The following LDLRAD4 variants were observed in gnomAD, a reference collection of about 807,000 sequenced individuals.
LDLRAD4 encodes the protein low density lipoprotein receptor class A domain containing 4.
Under a neutral mutation model 17.0 loss-of-function variants are expected in LDLRAD4, and 5 were observed. The ratio of observed to expected loss-of-function variants is 0.29; its 90% CI spans 0.15 to 0.62. The LOEUF (loss-of-function observed/expected upper bound fraction) is 0.62. LDLRAD4 is among the 20% of genes least tolerant of loss of function. LDLRAD4 has a pLI of 0.84. For missense variants in LDLRAD4, 340 were observed against 424.7 expected (o/e 0.80, Z 1.75); for synonymous variants, 168 against 171.8 (o/e 0.98, Z 0.17).
chr18:13,455,235 C>CT (rs74574958), intron 3 of LDLRAD4, among the ~76,000 whole-genome samples: 36,925 of 152,112 alleles, frequency 0.24, 4,953 homozygotes, highest in Middle Eastern at 0.4. Flanking sequence ...GGTTTCCAGG[C>CT]TTTTTGGGGG....
At chr18:13,357,814 A>G (rs1184404599) in intron 1 of LDLRAD4, among the ~76,000 whole-genome samples, 2 of 152,204 alleles carry the variant, frequency 1.3e-5, no homozygotes, top group Admixed American at 6.5e-5. Flanking sequence ...TATGGCTCAT[A>G]TAAATGGTTG....
chr18:13,285,468 G>A (rs1283777921), intron 1 of LDLRAD4, among the ~76,000 whole-genome samples: 2 of 152,202 alleles, frequency 1.3e-5, no homozygotes, highest in African/African-American at 4.8e-5. Flanking sequence ...GGGGGCCATT[G>A]GAGGTGTCTG....
intron 3 of LDLRAD4, among the ~76,000 whole-genome samples, chr18:13,566,933 C>A (rs1036661870): frequency 1.3e-5 from 2 of 152,202 alleles, no homozygotes; most frequent in African/African-American, 4.8e-5. Context: ...GACTCAGTGT[C>A]CCTGTGAGGA....
chr18:13,642,770 A>G, intron 4 of LDLRAD4: 1 of 1,227,758 alleles, frequency 8.1e-7, no homozygotes, highest in East Asian at 3.2e-5. Flanking sequence ...GTAGAGAGTG[A>G]GCCATATTCC....
intron 3 of LDLRAD4, among the ~76,000 whole-genome samples, chr18:13,600,985 G>T (rs889426758): frequency 6.6e-6 from 1 of 152,138 alleles, no homozygotes; most frequent in Admixed American, 6.5e-5. Flanking sequence ...ACAAGACCAT[G>T]TTTCTCCTTA....
In LDLRAD4 at chr18:13,379,279, A is replaced by G. The variant is rs2085158204; in HGVS notation, c.-382-8062A>G. Among the ~76,000 whole-genome samples the G allele has an allele frequency of 2.0e-5, 3 of 152,244 alleles. No homozygotes were observed. In the South Asian group the frequency reaches 6.2e-4, roughly 31 times the overall value. ...GGCACTGCCTGTGCAGTAAACTCCCAGCCACGATGTCCCCCATGGGGCACC... is the reference window on the plus strand; with the variant it reads ...GGCACTGCCTGTGCAGTAAACTCCCGGCCACGATGTCCCCCATGGGGCACC... On this transcript the variant is annotated intron_variant, in intron 1 of 5. Coordinates refer to ENST00000359446, the Ensembl canonical transcript of LDLRAD4.
chr18:13,643,451 G>GT (rs1451855463), intron 5 of LDLRAD4, 39 bp downstream of exon 6: 2 of 482,590 alleles, frequency 4.1e-6, no homozygotes, highest in Non-Finnish European at 3.4e-6. Context: ...GGGGGGCGGG[G>GT]GGGGTGGGTG....
intron 3 of LDLRAD4, among the ~76,000 whole-genome samples, chr18:13,496,962 C>T (rs1194575451): frequency 8.5e-5 from 13 of 152,156 alleles, no homozygotes; most frequent in Non-Finnish European, 1.8e-4. Flanking sequence ...TAAACATGAC[C>T]TTTCATTAGC....
At chr18:13,246,209 G>A (rs779669433) in intron 1 of LDLRAD4, among the ~76,000 whole-genome samples, 4 of 152,358 alleles carry the variant, frequency 2.6e-5, no homozygotes, top group Non-Finnish European at 4.4e-5. Context: ...GCTAATTGCA[G>A]CCTCCAGAGG....
chr18:13,456,360 C>A (rs1300338503), intron 3 of LDLRAD4, among the ~76,000 whole-genome samples: 1 of 152,216 alleles, frequency 6.6e-6, no homozygotes, highest in Non-Finnish European at 1.5e-5. Context: ...TCTCGCCTTC[C>A]CTCCTGCTCC....
rs1388213367 is a variant in LDLRAD4, at chr18:13,283,606, A to G, written c.-383+5418A>G. 4.6e-5 allele frequency among the ~76,000 whole-genome samples: 7 copies of G among 152,336 alleles called. No individual in the cohort carries two copies. In the South Asian group the frequency reaches 1.2e-3, roughly 27 times the overall value. ...CCTTATTGCTATCAGCATTTTGGGC[A>G]AAGCCATTTAACAAGTCTCTAGGAA... On this transcript the variant is annotated intron_variant, in intron 1 of 5. Coordinates refer to ENST00000359446, the Ensembl canonical transcript of LDLRAD4.
At chr18:13,271,983 C>CCTCT (rs2044581130) in intron 1 of LDLRAD4, among the ~76,000 whole-genome samples, 1 of 151,638 alleles carries the variant, frequency 6.6e-6, no homozygotes, top group African/African-American at 2.4e-5. Context: ...TCAACCTCCG[C>CCTCT]CTCCCAAGTT....
chr18:13,551,226 G>C (rs1341898290), intron 3 of LDLRAD4, among the ~76,000 whole-genome samples: 1 of 152,192 alleles, frequency 6.6e-6, no homozygotes, highest in Non-Finnish European at 1.5e-5. Flanking sequence ...CAATGTGGGG[G>C]CCTTTCCGAC....
At chr18:13,532,310 A>G (rs1340193975) in intron 3 of LDLRAD4, among the ~76,000 whole-genome samples, 1 of 152,242 alleles carries the variant, frequency 6.6e-6, no homozygotes, top group Admixed American at 6.5e-5. Context: ...ACGTGACTAT[A>G]CATTCAAGAT....
rs2042400747 is a variant in LDLRAD4, at chr18:13,237,611, G to T, written c.-467+18623G>T. ...GAACGTGGATTCTTGTTCCTAGCTCGGTCTCCAAGTAGCATTGTCCCCCGA... is the reference window on the plus strand; with the variant it reads ...GAACGTGGATTCTTGTTCCTAGCTCTGTCTCCAAGTAGCATTGTCCCCCGA... On this transcript the variant is annotated intron_variant, in intron 1 of 5. Coordinates refer to the LDLRAD4 transcript ENST00000399848. Among the ~76,000 whole-genome samples the T allele has an allele frequency of 2.0e-5, 3 of 152,144 alleles. No homozygotes were observed. In the South Asian group the frequency reaches 6.2e-4, roughly 32 times the overall value.
At chr18:13,363,666 T>A (rs971018752) in intron 1 of LDLRAD4, among the ~76,000 whole-genome samples, 1 of 152,220 alleles carries the variant, frequency 6.6e-6, no homozygotes, top group Non-Finnish European at 1.5e-5. Flanking sequence ...CTGACAATGA[T>A]GATGCTAGTT....
chr18:13,649,768 C>A (rs900346739), exon 6 of LDLRAD4: 3 of 346,798 alleles, frequency 8.7e-6, no homozygotes, highest in Non-Finnish European at 1.5e-5. Flanking sequence ...GGGAAAGATA[C>A]TTGGTTTCTG....
At chr18:13,557,459 G>A (rs985159215) in intron 3 of LDLRAD4, among the ~76,000 whole-genome samples, 1 of 152,134 alleles carries the variant, frequency 6.6e-6, no homozygotes, top group Non-Finnish European at 1.5e-5. Flanking sequence ...GGGGCGCAGT[G>A]ATGCGGTCTT....
chr18:13,645,313 G>A lies in LDLRAD4; in HGVS notation c.577G>A (p.Asp193Asn), dbSNP rs746064746. Residue 193 changes from aspartate to asparagine, a missense_variant, in exon 6 of 6, where the codon GAC becomes AAC. Asp to Asn is a conservative substitution (Grantham distance 23, BLOSUM62 1). Coordinates refer to ENST00000359446, the Ensembl canonical transcript of LDLRAD4. This position sits in a 1 kb window ranked among gnomAD's most constrained non-coding sequence, Gnocchi z 5.7. The stretch of plus-strand genomic sequence containing the variant: ...GGGGCCCTGCACCCTGCAGCTCCGG[G>A]ACCCTGAACAGCAGATGGAACTCAA... The A allele has an allele frequency of 8.1e-6, 13 of 1,614,198 alleles. No individual in the cohort carries two copies. The highest frequency in any genetic ancestry group is 7.7e-5 in the South Asian group (7 of 91,082).
Sources: gnomAD v4.1 joint callset for allele counts (sites outside exome capture counted in the v4.1 genomes callset) on GRCh38, gnomAD v4.1.1 for gene constraint, Gnocchi (gnomAD v3.1) non-coding constraint, MANE v1.5 for transcripts, NCBI Gene and HGNC (gene_info 2026-07-23, HGNC 2026-07-21) for gene names.